GNPTAB: variants seen among roughly 807,000 people sequenced by gnomAD.
GNPTAB encodes the protein N-acetylglucosamine-1-phosphotransferase subunits alpha/beta.
Under a neutral mutation model 136.6 loss-of-function variants are expected in GNPTAB, and 92 were observed. The observed-to-expected ratio is 0.67, with a 90% CI of 0.57 to 0.80. The LOEUF (loss-of-function observed/expected upper bound fraction) is 0.80. GNPTAB is among the 30% of genes least tolerant of loss of function. The probability of loss-of-function intolerance (pLI) is 0.00; values close to 1 mark genes in which losing one functional copy is unlikely to be tolerated. For missense variants in GNPTAB, 1,343 were observed against 1,501.8 expected (o/e 0.89, Z 1.75); for synonymous variants, 512 against 535.1 (o/e 0.96, Z 0.60).
At chr12:101,822,238 C>T (rs906086254) in intron 1 of GNPTAB, among the ~76,000 whole-genome samples, 1 of 152,088 alleles carries the variant, frequency 6.6e-6, no homozygotes, top group African/African-American at 2.4e-5. Context: ...ACGGTGAAAC[C>T]CCGTCTCTAC....
chr12:101,769,453 T>G (rs77305888), intron 10 of GNPTAB, among the ~76,000 whole-genome samples: 1 of 152,132 alleles, frequency 6.6e-6, no homozygotes, highest in Non-Finnish European at 1.5e-5. Flanking sequence ...TAGTAGAAAA[T>G]TGAGATGGTT....
At chr12:101,804,107 A>G (rs1383709567) in intron 1 of GNPTAB, among the ~76,000 whole-genome samples, 1 of 152,120 alleles carries the variant, frequency 6.6e-6, no homozygotes, top group African/African-American at 2.4e-5. Context: ...CAAGCCTGGT[A>G]GCACTCACTG....
At chr12:101,749,765 G>A (rs547424335) in intron 19 of GNPTAB, among the ~76,000 whole-genome samples, 2 of 152,350 alleles carry the variant, frequency 1.3e-5, no homozygotes, top group South Asian at 4.1e-4. Context: ...AGAAGGAGCA[G>A]TAGAGTGGCA....
chr12:101,779,965 A>G (rs1038885562), intron 7 of GNPTAB, 187 bp downstream of exon 7: 110 of 644,964 alleles, frequency 1.7e-4, no homozygotes, highest in Middle Eastern at 4.2e-4. Flanking sequence ...CAAGCAAACC[A>G]AATAAGACTC....
rs561172648 is a variant in GNPTAB at position 101,810,200 on chromosome 12, T to C, written c.118-13438A>G. 2.0e-5 allele frequency among the ~76,000 whole-genome samples: 3 copies of C among 152,146 alleles called. No individual in the cohort carries two copies. The East Asian group carries it at 5.8e-4, about 29-fold the overall frequency. ...GAGTTCAAGGCTGCAGTGAGCTGAC[T>C]GTACAACTACACTCCAGCCTGGGCA... On this transcript the variant is annotated intron_variant, in intron 1 of 20. Coordinates refer to ENST00000299314, the MANE Select transcript of GNPTAB (RefSeq NM_024312.5).
At chr12:101,798,107 C>G (rs1262050842) in intron 1 of GNPTAB, among the ~76,000 whole-genome samples, 1 of 152,206 alleles carries the variant, frequency 6.6e-6, no homozygotes, top group Non-Finnish European at 1.5e-5. Context: ...GTTTTCACCA[C>G]TTTAGTGGCC....
chr12:101,758,780 G>T (rs1389964889), intron 16 of GNPTAB, among the ~76,000 whole-genome samples: 2 of 152,206 alleles, frequency 1.3e-5, no homozygotes, highest in East Asian at 1.9e-4. Flanking sequence ...GAGGGAGGAG[G>T]TGTCCTATCT....
At chr12:101,814,553 C>A (rs910303399) in intron 1 of GNPTAB, among the ~76,000 whole-genome samples, 1 of 151,830 alleles carries the variant, frequency 6.6e-6, no homozygotes, top group Non-Finnish European at 1.5e-5. Flanking sequence ...AAAAATTAGC[C>A]GGGTGTGGTG....
intron 1 of GNPTAB, among the ~76,000 whole-genome samples, chr12:101,817,442 A>AT (rs1870564990): frequency 6.6e-6 from 1 of 151,408 alleles, no homozygotes; most frequent in African/African-American, 2.4e-5. Context: ...TAAGTTTTGT[A>AT]TTTTTTTGTA....
At chr12:101,779,888 C>G in intron 7 of GNPTAB, 1 of 487,736 alleles carries the variant, frequency 2.1e-6, no homozygotes, top group Non-Finnish European at 3.7e-6. Context: ...GGCCTGGTTA[C>G]TACTTGGATG....
At chr12:101,819,202 G>A (rs953602312) in intron 1 of GNPTAB, among the ~76,000 whole-genome samples, 4 of 152,046 alleles carry the variant, frequency 2.6e-5, no homozygotes, top group African/African-American at 7.2e-5. Flanking sequence ...GGTAGAGACA[G>A]GGTTTCACCA....
intron 7 of GNPTAB, chr12:101,779,455 A>G (rs1312290983): frequency 6.5e-6 from 1 of 153,294 alleles, no homozygotes; most frequent in Admixed American, 6.5e-5. Flanking sequence ...AAAACAATAC[A>G]TGTTAAGGAA....
Position 101,747,255 on chromosome 12 carries a change from G to C in GNPTAB, c.3694-14C>G. On this transcript the variant is annotated splice_polypyrimidine_tract_variant and intron_variant, in intron 20 of 20. Coordinates refer to ENST00000299314, the MANE Select transcript of GNPTAB (RefSeq NM_024312.5). Reference sequence around the variant, plus strand: ...AAGTGCAATTAACTAAATGATGAAAGACAGAAAATACATTTTAATTCTCAC... The same window carrying C: ...AAGTGCAATTAACTAAATGATGAAACACAGAAAATACATTTTAATTCTCAC... 1.4e-6 allele frequency: 2 copies of C among 1,454,166 alleles called. No homozygotes were observed. Among genetic ancestry groups the C allele is most frequent in the Non-Finnish European group, 1.9e-6 (2 of 1,035,148 alleles). The allele number at this position is 1,454,166 out of a possible 1,614,324, so 90.1% of individuals were successfully genotyped here.
chr12:101,753,098 C>CA (rs769080204), intron 19 of GNPTAB, among the ~76,000 whole-genome samples: 6 of 151,760 alleles, frequency 4.0e-5, no homozygotes, highest in Non-Finnish European at 7.4e-5. Context: ...ACTAAAAATA[C>CA]AAAAAATTAG....
At chr12:101,826,740 A>C (rs545434252) in intron 1 of GNPTAB, among the ~76,000 whole-genome samples, 15 of 152,168 alleles carry the variant, frequency 9.9e-5, no homozygotes, top group African/African-American at 3.4e-4. Flanking sequence ...AACACGTTTT[A>C]AAATCTATAC....
intron 19 of GNPTAB, among the ~76,000 whole-genome samples, chr12:101,751,235 T>C (rs1191422713): frequency 1.3e-5 from 2 of 152,240 alleles, no homozygotes; most frequent in African/African-American, 2.4e-5. Flanking sequence ...TGCTCTTTCT[T>C]ACATGGAAGT....
chr12:101,798,876 T>A (rs920590735), intron 1 of GNPTAB, among the ~76,000 whole-genome samples: 1 of 152,214 alleles, frequency 6.6e-6, no homozygotes, highest in Non-Finnish European at 1.5e-5. Flanking sequence ...AAGAACATCA[T>A]GGGACTCTTA....
At chr12:101,791,908 G>A (rs1869016302) in intron 2 of GNPTAB, among the ~76,000 whole-genome samples, 1 of 152,164 alleles carries the variant, frequency 6.6e-6, no homozygotes, top group Non-Finnish European at 1.5e-5. Context: ...ATATGTGCTA[G>A]GTACTGTTCT....
At chr12:101,747,291 G>A (rs540230016) in intron 20 of GNPTAB, 50 bp from the exon 21 acceptor site, 2 of 1,041,348 alleles carry the variant, frequency 1.9e-6, no homozygotes, top group East Asian at 2.4e-5. Context: ...GTTGATGAAA[G>A]AATATAAGTG....
Sources: allele counts gnomAD v4.1 joint callset (sites outside exome capture counted in the v4.1 genomes callset), GRCh38; gene constraint gnomAD v4.1.1; transcripts MANE v1.5; gene names NCBI Gene and HGNC (gene_info 2026-07-23, HGNC 2026-07-21).